AKAP7: variants seen among roughly 807,000 people sequenced by gnomAD.
AKAP7 encodes A kinase (PRKA) anchor protein 7.
AKAP7 carries 39 observed loss-of-function variants against 39.5 expected under a neutral mutation model. That is an observed-to-expected ratio of 0.99 (90% CI 0.76 to 1.29). AKAP7 has a LOEUF of 1.29. AKAP7 is among the 50% of genes most tolerant of loss of function. The pLI is 0.00. For synonymous variants in AKAP7, 140 were observed against 139.1 expected (o/e 1.01, Z -0.05); for missense variants, 414 against 407.7 (o/e 1.02, Z -0.13).
intron 7 of AKAP7, among the ~76,000 whole-genome samples, chr6:131,274,168 C>G (rs73634704): frequency 0.035 from 5,245 of 151,958 alleles, 290 homozygotes; most frequent in African/African-American, 0.12. Context: ...TCTTTTAATA[C>G]TGGTTTTCAG....
upstream of AKAP7, among the ~76,000 whole-genome samples, chr6:131,135,061 A>T (rs552083573): frequency 3.0e-4 from 46 of 152,346 alleles, no homozygotes; most frequent in Non-Finnish European, 6.2e-4. Flanking sequence ...AGTTTTTAAA[A>T]GTAAGGTAAA....
chr6:131,132,450 C>T (rs1800349327), upstream of AKAP7, among the ~76,000 whole-genome samples: 1 of 152,148 alleles, frequency 6.6e-6, no homozygotes, highest in African/African-American at 2.4e-5. Context: ...GTCCACACTT[C>T]CCTCTCCCTC....
At chr6:131,223,068 T>C (rs1422471680) in intron 7 of AKAP7, among the ~76,000 whole-genome samples, 1 of 152,234 alleles carries the variant, frequency 6.6e-6, no homozygotes, top group Non-Finnish European at 1.5e-5. Context: ...ATAAAGTGTA[T>C]TTAAAGTAAA....
At chr6:131,252,934 G>T (rs1007260954) in intron 7 of AKAP7, 1 of 1,096,456 alleles carries the variant, frequency 9.1e-7, no homozygotes, top group Non-Finnish European at 1.4e-6. Context: ...TGTAACAGGC[G>T]GTGGCCCTAG....
the AKAP7 span, among the ~76,000 whole-genome samples, chr6:131,130,218 G>A: frequency 6.6e-6 from 1 of 152,198 alleles, no homozygotes; most frequent in Non-Finnish European, 1.5e-5. Context: ...AAGGAATTCT[G>A]TAATTCTTAT....
intron 7 of AKAP7, among the ~76,000 whole-genome samples, chr6:131,259,920 G>A (rs116070573): frequency 0.027 from 4,146 of 151,684 alleles, 131 homozygotes; most frequent in African/African-American, 0.075. Flanking sequence ...AGCCTTGCAT[G>A]CATTAGCTAT....
At chr6:131,250,468 AAAAAGGCAG>A in intron 7 of AKAP7, 1 of 1,582,206 alleles carries the variant, frequency 6.3e-7, no homozygotes, top group Non-Finnish European at 8.6e-7. Flanking sequence ...CCGTGGAGTG[AAAAAGGCAG>A]GGTGTGCTCG....
In AKAP7 at chr6:131,281,515, T is replaced by C. The variant is rs750425273; in HGVS notation, c.851-15T>C. ...TGTGATCTCAGTGACCTCTCTTCTC[T>C]ATTGTGGAATGTAGGTGAAAAGAAC... On this transcript the variant is annotated splice_polypyrimidine_tract_variant and intron_variant, in intron 7 of 7. Transcript: ENST00000431975. The surrounding 1 kb of genome is among the most constrained non-coding windows in gnomAD (Gnocchi z 4.0). The C allele has an allele frequency of 1.3e-6, 2 of 1,585,816 alleles. No individual in the cohort carries two copies. The highest frequency in any genetic ancestry group is 1.7e-6 in the Non-Finnish European group (2 of 1,165,498).
At chr6:131,271,244 T>TA (rs1220610618) in intron 7 of AKAP7, among the ~76,000 whole-genome samples, 1 of 151,364 alleles carries the variant, frequency 6.6e-6, no homozygotes, top group Non-Finnish European at 1.5e-5. Context: ...TATATTGGTG[T>TA]AAGAGTTGAG....
chr6:131,217,852 G>A (rs1372695672), intron 6 of AKAP7, among the ~76,000 whole-genome samples: 1 of 152,102 alleles, frequency 6.6e-6, no homozygotes, highest in African/African-American at 2.4e-5. Flanking sequence ...TGTCTGCTGT[G>A]TTATTGCCAG....
chr6:131,239,550 G>A (rs1811354400), intron 7 of AKAP7, among the ~76,000 whole-genome samples: 1 of 152,208 alleles, frequency 6.6e-6, no homozygotes, highest in Non-Finnish European at 1.5e-5. Flanking sequence ...ACACCAATCA[G>A]ACGTAGATTT....
chr6:131,275,040 C>T (rs1814627833), intron 7 of AKAP7, among the ~76,000 whole-genome samples: 1 of 152,186 alleles, frequency 6.6e-6, no homozygotes, highest in Non-Finnish European at 1.5e-5. Context: ...AGGTCATCCT[C>T]CTAGACTGAC....
intron 6 of AKAP7, among the ~76,000 whole-genome samples, chr6:131,205,211 G>C (rs1562211883): frequency 6.6e-6 from 1 of 152,108 alleles, no homozygotes; most frequent in Non-Finnish European, 1.5e-5. Context: ...TAATCATCTA[G>C]TCATTGTCAT....
At chr6:131,213,676 C>G (rs1005361260) in intron 6 of AKAP7, among the ~76,000 whole-genome samples, 10 of 152,110 alleles carry the variant, frequency 6.6e-5, no homozygotes, top group African/African-American at 2.2e-4. Context: ...TGAGCCCCTT[C>G]TTTGTTTCAT....
chr6:131,246,094 A>AATAT (rs57449798), intron 7 of AKAP7, among the ~76,000 whole-genome samples: 1,635 of 143,956 alleles, frequency 0.011, 22 homozygotes, highest in African/African-American at 0.031. Flanking sequence ...CAGAAGTCCA[A>AATAT]ATATATATAT....
chr6:131,207,957 T>A (rs1002909018), intron 6 of AKAP7, among the ~76,000 whole-genome samples: 1 of 152,190 alleles, frequency 6.6e-6, no homozygotes, highest in East Asian at 1.9e-4. Context: ...TATTTTTGAA[T>A]CTCCCGGTGT....
intron 7 of AKAP7, chr6:131,250,647 A>G: frequency 6.2e-7 from 1 of 1,609,950 alleles, no homozygotes; most frequent in Non-Finnish European, 8.5e-7. Flanking sequence ...GCAGAATCCT[A>G]AGTGCTTGAC....
intron 7 of AKAP7, among the ~76,000 whole-genome samples, chr6:131,262,730 A>C (rs1562251824): frequency 6.6e-6 from 1 of 152,200 alleles, no homozygotes; most frequent in African/African-American, 2.4e-5. Flanking sequence ...TTGAAAACTA[A>C]TCTTTCAATA....
intron 7 of AKAP7, among the ~76,000 whole-genome samples, chr6:131,262,990 C>G (rs891195308): frequency 1.3e-5 from 2 of 152,100 alleles, no homozygotes; most frequent in African/African-American, 4.8e-5. Context: ...AAGGCTCAGA[C>G]GTCAGGGGGC....
Sources: allele counts gnomAD v4.1 joint callset (sites outside exome capture counted in the v4.1 genomes callset), GRCh38; gene constraint gnomAD v4.1.1; non-coding constraint Gnocchi (gnomAD v3.1); transcripts MANE v1.5; gene names NCBI Gene and HGNC (gene_info 2026-07-23, HGNC 2026-07-21).